Variants in HNRNPUL2 observed in about 807,000 individuals in gnomAD.
HNRNPUL2 encodes heterogeneous nuclear ribonucleoprotein U like 2, also known as heterogeneous nuclear ribonucleoprotein U-like protein 2.
HNRNPUL2 carries 27 observed loss-of-function variants against 102.2 expected under a neutral mutation model. That is an observed-to-expected ratio of 0.26 (90% CI 0.19 to 0.36). The LOEUF is 0.36. HNRNPUL2 is among the 10% of genes least tolerant of loss of function. HNRNPUL2 has a pLI of 1.00. For synonymous variants in HNRNPUL2, 458 were observed against 387.2 expected, an observed-to-expected ratio of 1.18 and a Z score of -2.15; for missense variants, 936 against 981.1, an observed-to-expected ratio of 0.95 and a Z score of 0.61.
chr11:62,718,190 G>A (rs2083674374), intron 10 of HNRNPUL2, among the ~76,000 whole-genome samples: 1 of 151,160 alleles, frequency 6.6e-6, no homozygotes, highest in Non-Finnish European at 1.5e-5. Flanking sequence ...AGGAACTAAA[G>A]GCAGCAATGG....
rs879151241 is a variant in HNRNPUL2 at position 62,714,144 on chromosome 11, C to A, written c.*1155G>T. ...CCCACTGAGCTGCCTCCCACCCCCC[C>A]CCACCACCCTCCCCTCTTCTATTCA... is the stretch of plus-strand genomic sequence containing the variant. On this transcript the variant is annotated 3_prime_UTR_variant, in exon 14 of 14. Coordinates refer to ENST00000301785, the MANE Select transcript of HNRNPUL2 (RefSeq NM_001079559.3). The A allele has an allele frequency of 6.7e-6, 1 of 148,516 alleles. No individual in the cohort carries two copies. Among genetic ancestry groups the A allele is most frequent in the African/African-American group, 2.5e-5 (1 of 40,038 alleles). 9.2% of individuals were successfully genotyped at this position (148,516 alleles called of 1,614,324 possible). A position where few individuals can be genotyped will look rare whatever the true frequency, so the allele number is the denominator to read the frequency against.
chr11:62,721,204 A>C (rs1180551313), intron 9 of HNRNPUL2, 91 bp downstream of exon 9: 1 of 1,210,142 alleles, frequency 8.3e-7, no homozygotes, highest in African/African-American at 1.6e-5. Context: ...CCAGATGGTC[A>C]TAATTAGGTA....
chr11:62,723,799 C>A, intron 3 of HNRNPUL2, 73 bp from the exon 4 acceptor site: 1 of 1,604,864 alleles, frequency 6.2e-7, no homozygotes. Context: ...ATAAGTATAC[C>A]AGTTGTTGTA....
At position 62,715,040 on chromosome 11, in the gene HNRNPUL2, C is replaced by T. The variant is rs1217093540; in HGVS notation, c.*259G>A. 6.9e-6 allele frequency: 3 copies of T among 433,434 alleles called. No homozygotes were observed. Among genetic ancestry groups the T allele is most frequent in the Admixed American group, 3.9e-5 (1 of 25,736 alleles). 26.8% of individuals were successfully genotyped at this position (433,434 alleles called of 1,614,324 possible). On this transcript the variant is annotated 3_prime_UTR_variant, in exon 14 of 14. Coordinates refer to ENST00000301785, the MANE Select transcript of HNRNPUL2 (RefSeq NM_001079559.3). The stretch of plus-strand genomic sequence containing the variant: ...GCGCAAATGTTTTTTGATTACAAAT[C>T]TCTAACTAGGTTTGAAATGTTTTAT...
rs897138190 is a variant in HNRNPUL2 at position 62,715,524 on chromosome 11, G to C, written c.2139C>G (p.Asp713Glu). The change falls in exon 13 of 14, where the codon GAC becomes GAG. Residue 713 changes from aspartate (D) to glutamate (E), a missense_variant. Asp to Glu is a conservative substitution (Grantham distance 45). This residue lies in a region of HNRNPUL2 where 609 missense variants were observed against 713.0 expected (regional missense o/e 0.85). Coordinates refer to ENST00000301785, the MANE Select transcript of HNRNPUL2 (RefSeq NM_001079559.3). ...GRDYEYNRYR[D>E]YYRQYNRDWQ... is the part of the protein sequence containing the mutation. ...CATCCCGATTGTATTGTCTGTAATA[G>C]TCTCTGTATCTGTTGTACTCATAAT... 1.2e-6 allele frequency: 2 copies of C among 1,611,640 alleles called. No homozygotes were observed. The highest frequency in any genetic ancestry group is 1.7e-6 in the Non-Finnish European group (2 of 1,178,148).
At chr11:62,722,498 A>G in intron 6 of HNRNPUL2, 103 bp downstream of exon 6, 3 of 1,415,814 alleles carry the variant, frequency 2.1e-6, no homozygotes, top group Non-Finnish European at 3.0e-6. Flanking sequence ...CGAGCCACAC[A>G]CATCACATGC....
At position 62,714,426 on chromosome 11, in the gene HNRNPUL2, C is replaced by T. The variant is rs964668752; in HGVS notation, c.*873G>A. ...GATTTCAGAGACCTCCCACCTCTCT[C>T]AACCTTGGAAGACAGAGACTAGAGA... On this transcript the variant is annotated 3_prime_UTR_variant, in exon 14 of 14. Transcript: ENST00000301785. The T allele has an allele frequency of 6.6e-6, 1 of 152,198 alleles. No homozygotes were observed. The allele number at this position is 152,198 out of a possible 1,614,324, so 9.4% of individuals were successfully genotyped here. A position where few individuals can be genotyped will look rare whatever the true frequency, so the allele number is the denominator to read the frequency against.
At chr11:62,721,561 T>C (rs1299441303) in intron 8 of HNRNPUL2, 138 bp from the exon 9 acceptor site, 2 of 892,534 alleles carry the variant, frequency 2.2e-6, no homozygotes, top group Non-Finnish European at 3.4e-6. Context: ...TCTTCAGTGC[T>C]GTGAATGTTG....
At chr11:62,723,325 C>T (rs552137130) in intron 4 of HNRNPUL2, among the ~76,000 whole-genome samples, 1 of 152,242 alleles carries the variant, frequency 6.6e-6, no homozygotes, top group African/African-American at 2.4e-5. Context: ...AACCCCATCT[C>T]TACTAAGAAT....
At position 62,715,920 on chromosome 11, in the gene HNRNPUL2, C is replaced by T. The variant is rs1458401479; in HGVS notation, c.1999G>A (p.Gly667Ser). Residue 667 changes from glycine to serine, a missense_variant, in exon 12 of 14, where the codon GGC (glycine) becomes AGC (serine). By Grantham distance (56) the Gly-to-Ser change is moderately conservative. This residue lies in a region of HNRNPUL2 where 609 missense variants were observed against 713.0 expected (regional missense o/e 0.85). Coordinates refer to ENST00000301785, the MANE Select transcript of HNRNPUL2 (RefSeq NM_001079559.3). ...TGCCCGTAGGCCCGGTTGTCGTAGC[C>T]TCGGCGCTGCCCGCCCACTGGAAGA... ...GQGYVGGQRRGYDNRAYGQQY... is the reference protein window; with the variant it reads ...GQGYVGGQRRSYDNRAYGQQY... 1 of 1,607,260 alleles carries T rather than the reference C, an allele frequency of 6.2e-7. No individual in the cohort carries two copies. Among genetic ancestry groups the T allele is most frequent in the East Asian group, 2.2e-5 (1 of 44,732 alleles).
chr11:62,727,226 A>AAGCGCC lies in HNRNPUL2; in HGVS notation c.-71_-70insGGCGCT. On this transcript the variant is annotated 5_prime_UTR_variant, in exon 1 of 14. Transcript: ENST00000301785. ...AACCGTCGACCGAGTCCGACCGCGC[A>AAGCGCC]GGCGCCGCCGCCGCCGCCCGCCTCC... is the stretch of plus-strand genomic sequence containing the variant. 1 of 1,249,836 alleles carries AAGCGCC rather than the reference A, an allele frequency of 8.0e-7. No homozygotes were observed. The highest frequency in any genetic ancestry group is 1.0e-6 in the Non-Finnish European group (1 of 985,218). 77.4% of individuals were successfully genotyped at this position (1,249,836 alleles called of 1,614,324 possible).
chr11:62,720,963 A>G (rs534222111), intron 9 of HNRNPUL2, among the ~76,000 whole-genome samples: 37 of 152,096 alleles, frequency 2.4e-4, no homozygotes, highest in Non-Finnish European at 5.1e-4. Flanking sequence ...TTCAAACTAC[A>G]TGACAGGTAT....
rs375522245 is a variant in HNRNPUL2 at position 62,724,324 on chromosome 11, T to C, written c.641A>G (p.Tyr214Cys). ...GTAAGCCTCCTCTCGGAATTCATAG[T>C]AAGCTCGGCCATGTTCATCCTTCTC... ...RDEKDEHGRA[Y>C]YEFREEAYHS... The change falls in exon 2 of 14, where the codon TAC becomes TGC. Residue 214 changes from tyrosine (Y) to cysteine (C), a missense_variant. Physicochemically the swap from Tyr to Cys is radical, Grantham distance 194. Coordinates refer to ENST00000301785, the MANE Select transcript of HNRNPUL2 (RefSeq NM_001079559.3). The C allele has an allele frequency of 1.2e-6, 2 of 1,614,094 alleles. No individual in the cohort carries two copies. Among genetic ancestry groups the C allele is most frequent in the African/African-American group, 2.7e-5 (2 of 74,930 alleles).
chr11:62,723,442 G>T (rs1590899771), intron 4 of HNRNPUL2, 145 bp downstream of exon 4: 1 of 804,470 alleles, frequency 1.2e-6, no homozygotes, highest in Non-Finnish European at 1.9e-6. Context: ...GGTGAGCCGA[G>T]ATGGTGCCAC....
At chr11:62,723,115 C>A (rs1026605906) in intron 4 of HNRNPUL2, among the ~76,000 whole-genome samples, 12 of 152,194 alleles carry the variant, frequency 7.9e-5, no homozygotes, top group Non-Finnish European at 1.6e-4. Flanking sequence ...TACCTACCTG[C>A]ACTAATAAAA....
intron 1 of HNRNPUL2, among the ~76,000 whole-genome samples, chr11:62,725,696 T>C (rs539677162): frequency 5.3e-5 from 8 of 152,338 alleles, no homozygotes; most frequent in Admixed American, 2.6e-4. Flanking sequence ...CCACCCACTT[T>C]ATAGTAAGAC....
At chr11:62,715,425 G>A in intron 13 of HNRNPUL2, 46 bp from the exon 14 acceptor site, 10 of 1,591,668 alleles carry the variant, frequency 6.3e-6, no homozygotes, top group Non-Finnish European at 8.6e-6. Flanking sequence ...AGCTGGCTGA[G>A]GATGAAGAGG....
At chr11:62,722,553 C>T (rs879009871) in intron 6 of HNRNPUL2, 48 bp downstream of exon 6, 1 of 1,491,892 alleles carries the variant, frequency 6.7e-7, no homozygotes, top group Non-Finnish European at 9.4e-7. Context: ...ATTCCCAGTG[C>T]CCTCTATCCG....
rs1210023269 is a variant in HNRNPUL2 at position 62,726,896 on chromosome 11, C to CTCCTCG, written c.255_260dup (p.Asp85_Glu86dup). On this transcript the variant is annotated inframe_insertion, in exon 1 of 14. Coordinates refer to ENST00000301785, the MANE Select transcript of HNRNPUL2 (RefSeq NM_001079559.3). ...CCTCGTCCTCGTCCTCAAGCAGCGC[C>CTCCTCG]TCCTCGTCCTCCTCCTCCTCCTCTT... is the stretch of plus-strand genomic sequence containing the variant. 7 of 1,560,010 alleles carry CTCCTCG rather than the reference C, an allele frequency of 4.5e-6. No individual in the cohort carries two copies. The highest frequency in any genetic ancestry group is 4.9e-5 in the East Asian group (2 of 41,212).
Sources: allele counts gnomAD v4.1 joint callset (sites outside exome capture counted in the v4.1 genomes callset), GRCh38; gene constraint gnomAD v4.1.1; regional missense constraint gnomAD v4.1.1; transcripts MANE v1.5; gene names NCBI Gene and HGNC (gene_info 2026-07-23, HGNC 2026-07-21).